The following LYPLAL1 variants were observed in gnomAD, a reference collection of about 807,000 sequenced individuals.
LYPLAL1 encodes the protein lysophospholipase like 1, also known as lysophospholipase-like protein 1.
In LYPLAL1, 23 loss-of-function variants were observed where a neutral mutation model predicts 19.7. That is an observed-to-expected ratio of 1.17 (90% CI 0.84 to 1.65). LYPLAL1 has a LOEUF of 1.65. Among genes scored for constraint, LYPLAL1 ranks in the 40% most tolerant of loss-of-function variants. The pLI is 0.00. For missense variants in LYPLAL1, 355 were observed against 279.4 expected, an observed-to-expected ratio of 1.27 and a Z score of -1.93; for synonymous variants, 119 against 96.3, an observed-to-expected ratio of 1.24 and a Z score of -1.38.
chr1:219,216,524 T>C (rs762219488), downstream of LYPLAL1, among the ~76,000 whole-genome samples: 7 of 152,148 alleles, frequency 4.6e-5, no homozygotes, highest in Non-Finnish European at 8.8e-5. Context: ...TCATACTCTA[T>C]ATGATACTGT....
chr1:219,392,882 G>A, the LYPLAL1 span, among the ~76,000 whole-genome samples: 2 of 152,014 alleles, frequency 1.3e-5, no homozygotes, highest in Non-Finnish European at 2.9e-5. Flanking sequence ...AACTAACTCA[G>A]ATACCTTTTA....
the LYPLAL1 span, among the ~76,000 whole-genome samples, chr1:219,245,023 CCTCT>C: frequency 1.3e-5 from 2 of 150,184 alleles, no homozygotes; most frequent in African/African-American, 4.9e-5. Flanking sequence ...TTCCTCCCTC[CCTCT>C]TTTTCTTTTT....
the LYPLAL1 span, among the ~76,000 whole-genome samples, chr1:219,400,337 C>T: frequency 5.9e-5 from 9 of 152,192 alleles, no homozygotes; most frequent in African/African-American, 2.2e-4. Flanking sequence ...TTTCATACTA[C>T]AACTATTGTT....
the LYPLAL1 span, among the ~76,000 whole-genome samples, chr1:219,332,861 A>C: frequency 5.3e-5 from 7 of 133,216 alleles, no homozygotes; most frequent in African/African-American, 1.9e-4. Flanking sequence ...AAGGATTACC[A>C]CCTATCAGAG....
chr1:219,208,632 T>G (rs189256534), intron 3 of LYPLAL1, among the ~76,000 whole-genome samples: 45 of 152,148 alleles, frequency 3.0e-4, no homozygotes, highest in Admixed American at 1.6e-3. Flanking sequence ...GTTCAGCTAA[T>G]CATAAGCACT....
At chr1:219,214,616 T>C (rs577610241), downstream of LYPLAL1, among the ~76,000 whole-genome samples, 1 of 152,042 alleles carries the variant, frequency 6.6e-6, no homozygotes, top group Non-Finnish European at 1.5e-5. Context: ...CTTTTGTTAT[T>C]TTGCTTATAG....
At chr1:219,280,268 C>T in the LYPLAL1 span, among the ~76,000 whole-genome samples, 69,601 of 152,018 alleles carry the variant, frequency 0.46, 16,376 homozygotes, top group East Asian at 0.69. Flanking sequence ...GCAGATAATA[C>T]GTATTATATA....
At chr1:219,411,666 G>A in the LYPLAL1 span, 1 of 152,456 alleles carries the variant, frequency 6.6e-6, no homozygotes, top group Non-Finnish European at 1.5e-5. Context: ...AATAAATCTT[G>A]CTACTGCTCA....
the LYPLAL1 span, among the ~76,000 whole-genome samples, chr1:219,219,490 C>G: frequency 2.0e-5 from 3 of 152,184 alleles, no homozygotes; most frequent in Non-Finnish European, 2.9e-5. Context: ...TGACCATGTC[C>G]TCAGTGTGGT....
chr1:219,211,677 G>T lies in LYPLAL1; in HGVS notation c.663G>T (p.Leu221Phe). ...HELSKTELDI[L>F]KLWILTKLPG... ...TAAGCAAAACTGAGTTAGACATATTGAAGTTATGGATTCTTACAAAGCTGC... is the reference window on the plus strand; with the variant it reads ...TAAGCAAAACTGAGTTAGACATATTTAAGTTATGGATTCTTACAAAGCTGC... Residue 221 changes from leucine (L) to phenylalanine (F), a missense_variant, in exon 5 of 5, where the codon TTG becomes TTT. Leu to Phe is a conservative substitution (Grantham distance 22). Transcript: ENST00000366928. 6.2e-7 allele frequency: 1 copy of T among 1,612,598 alleles called. No homozygotes were observed. The highest frequency in any genetic ancestry group is 8.5e-7 in the Non-Finnish European group (1 of 1,179,316).
the LYPLAL1 span, among the ~76,000 whole-genome samples, chr1:219,274,159 GT>G: frequency 6.6e-6 from 1 of 152,172 alleles, no homozygotes; most frequent in Non-Finnish European, 1.5e-5. Flanking sequence ...ATGCAAAGAA[GT>G]TTGAACAAAA....
the LYPLAL1 span, among the ~76,000 whole-genome samples, chr1:219,353,446 T>C: frequency 6.6e-6 from 1 of 152,226 alleles, no homozygotes; most frequent in Non-Finnish European, 1.5e-5. Flanking sequence ...CAGCCATTTC[T>C]AAAAGTGGCA....
At chr1:219,174,053 C>T (rs1270247710) in intron 1 of LYPLAL1, 72 bp downstream of exon 1, 8 of 1,593,272 alleles carry the variant, frequency 5.0e-6, no homozygotes, top group South Asian at 1.1e-5. Context: ...CCCAGTATTG[C>T]CCAAGTGGAG....
chr1:219,259,995 G>A, the LYPLAL1 span, among the ~76,000 whole-genome samples: 3 of 151,926 alleles, frequency 2.0e-5, no homozygotes, highest in Non-Finnish European at 4.4e-5. Context: ...TTAAAACTCA[G>A]AAAGTGTTCT....
At chr1:219,324,406 C>A in the LYPLAL1 span, among the ~76,000 whole-genome samples, 1 of 152,168 alleles carries the variant, frequency 6.6e-6, no homozygotes, top group Non-Finnish European at 1.5e-5. Context: ...CTGCAGAAAG[C>A]CTGACCTTAA....
chr1:219,372,431 A>C, the LYPLAL1 span, among the ~76,000 whole-genome samples: 644 of 152,274 alleles, frequency 4.2e-3, 8 homozygotes, highest in African/African-American at 0.015. Flanking sequence ...TAGGTGAAGT[A>C]ATTGAGATCT....
chr1:219,238,917 G>C, the LYPLAL1 span, among the ~76,000 whole-genome samples: 21 of 152,112 alleles, frequency 1.4e-4, no homozygotes, highest in Non-Finnish European at 2.5e-4. Context: ...CGTAATCAGA[G>C]AAGATACTAT....
chr1:219,183,006 A>C (rs182567057), intron 2 of LYPLAL1, among the ~76,000 whole-genome samples: 2 of 152,254 alleles, frequency 1.3e-5, no homozygotes, highest in Admixed American at 1.3e-4. Context: ...ACTTTGGTAC[A>C]CTATGCCAAG....
chr1:219,305,484 T>A, the LYPLAL1 span, among the ~76,000 whole-genome samples: 1 of 152,106 alleles, frequency 6.6e-6, no homozygotes, highest in African/African-American at 2.4e-5. Context: ...ATAAAGGATG[T>A]TTTGGGGTCA....
Sources: gnomAD v4.1 joint callset for allele counts (sites outside exome capture counted in the v4.1 genomes callset) on GRCh38, gnomAD v4.1.1 for gene constraint, MANE v1.5 for transcripts, NCBI Gene and HGNC (gene_info 2026-07-23, HGNC 2026-07-21) for gene names.